The following MYSM1 variants were observed in gnomAD, a reference collection of about 807,000 sequenced individuals.
MYSM1 encodes deubiquitinase MYSM1.
A neutral mutation model predicts 116.0 loss-of-function variants in MYSM1; 51 were observed. The ratio of observed to expected loss-of-function variants is 0.44; its 90% CI spans 0.35 to 0.56. The LOEUF (loss-of-function observed/expected upper bound fraction) is 0.56. Among genes scored for constraint, MYSM1 ranks in the 20% least tolerant of loss-of-function variants. The pLI is 0.00. For synonymous variants in MYSM1, 313 were observed against 315.2 expected (o/e 0.99, Z 0.07); for missense variants, 900 against 974.9 (o/e 0.92, Z 1.02).
In MYSM1 at chr1:58,659,180, C is replaced by G. The variant is rs1001467574; in HGVS notation, c.*817G>C. ...AAATTAAATCTCTGATTTATTCCAG[C>G]TTTATTATCATTTGCCTCTTTCTCC... On this transcript the variant is annotated 3_prime_UTR_variant, in exon 20 of 20. Coordinates refer to ENST00000472487, the MANE Select transcript of MYSM1 (RefSeq NM_001085487.3). 13 of 152,088 alleles carry G rather than the reference C, an allele frequency of 8.5e-5. No homozygotes were observed. The highest frequency in any genetic ancestry group is 1.5e-5 in the Non-Finnish European group (1 of 68,012). 9.4% of individuals were successfully genotyped at this position (152,088 alleles called of 1,614,324 possible). A position where few individuals can be genotyped will look rare whatever the true frequency, so the allele number is the denominator to read the frequency against.
rs1248578302 is a variant in MYSM1, at chr1:58,659,011, T to C, written c.*986A>G. 2 of 106,496 alleles carry C rather than the reference T, an allele frequency of 1.9e-5. No individual in the cohort carries two copies. The highest frequency in any genetic ancestry group is 5.9e-4 in the East Asian group (2 of 3,370). The allele number at this position is 106,496 out of a possible 1,614,324, so 6.6% of individuals were successfully genotyped here. ...CACACACACAAAGAAGAATGTCTCA[T>C]AGACATCATATGTGGCCTGAAAAGC... On this transcript the variant is annotated 3_prime_UTR_variant, in exon 20 of 20. Transcript: ENST00000472487.
intron 8 of MYSM1, among the ~76,000 whole-genome samples, chr1:58,681,380 G>A (rs1644739188): frequency 1.3e-5 from 2 of 152,194 alleles, no homozygotes; most frequent in Non-Finnish European, 2.9e-5. Context: ...CTATTTAGAA[G>A]TGTTTCTGCA....
At chr1:58,669,618 G>C (rs1644525758) in intron 12 of MYSM1, among the ~76,000 whole-genome samples, 1 of 151,978 alleles carries the variant, frequency 6.6e-6, no homozygotes, top group African/African-American at 2.4e-5. Flanking sequence ...CTTGAGCCTA[G>C]GAGTTTGAGA....
chr1:58,665,434 T>C (rs1644453402), intron 17 of MYSM1, 65 bp downstream of exon 17: 10 of 1,228,222 alleles, frequency 8.1e-6, no homozygotes, highest in Non-Finnish European at 1.0e-5. Context: ...GCAAATCTTT[T>C]GATTTGTATG....
rs1374707453 is a variant in MYSM1 at position 58,665,607 on chromosome 1, T to G, written c.2056A>C (p.Lys686Gln). 1.9e-6 allele frequency: 3 copies of G among 1,570,330 alleles called. No homozygotes were observed. Among genetic ancestry groups the G allele is most frequent in the East Asian group, 2.2e-5 (1 of 44,508 alleles). ...GGACTAACAATCATCCCAATGAACT[T>G]TGCACCTCCTCTGGAGAAGTAACTC... ...YQSYFSRGGAKFIGMIVSPYN... is the reference protein window; with the variant it reads ...YQSYFSRGGAQFIGMIVSPYN... Residue 686 changes from lysine (K) to glutamine (Q), a missense_variant, in exon 17 of 20, where the codon AAG (lysine) becomes CAG (glutamine). Lys to Gln is a moderately conservative substitution (Grantham distance 53). Coordinates refer to ENST00000472487, the MANE Select transcript of MYSM1 (RefSeq NM_001085487.3).
rs183802797 is a variant in MYSM1, at chr1:58,673,657, T to C, written c.1495-7A>G. ...CCCTACGTCTCCTTGTACGCTGCGA[T>C]GAGATTAAAGTAAAGCAAAAGGTAG... is the stretch of plus-strand genomic sequence containing the variant. On this transcript the variant is annotated splice_polypyrimidine_tract_variant and splice_region_variant and intron_variant, in intron 10 of 19. Coordinates refer to ENST00000472487, the MANE Select transcript of MYSM1 (RefSeq NM_001085487.3). The C allele has an allele frequency of 1.4e-4, 224 of 1,613,266 alleles. No individual in the cohort carries two copies. The African/African-American group carries it at 2.6e-3, about 19-fold the overall frequency.
rs953493136 is a variant in MYSM1, at chr1:58,659,553, T to C, written c.*444A>G. On this transcript the variant is annotated 3_prime_UTR_variant, in exon 20 of 20. Coordinates refer to ENST00000472487, the MANE Select transcript of MYSM1 (RefSeq NM_001085487.3). The stretch of plus-strand genomic sequence containing the variant: ...TATTAATTATCTCAGTGACCACCCA[T>C]CCATATCTCATTTATAGCCATAAAC... The C allele has an allele frequency of 1.3e-5, 2 of 152,308 alleles. No homozygotes were observed. The highest frequency in any genetic ancestry group is 2.9e-5 in the Non-Finnish European group (2 of 68,154). 9.4% of individuals were successfully genotyped at this position (152,308 alleles called of 1,614,324 possible).
chr1:58,672,902 A>G (rs539106189), intron 11 of MYSM1, among the ~76,000 whole-genome samples: 1 of 152,328 alleles, frequency 6.6e-6, no homozygotes, highest in African/African-American at 2.4e-5. Flanking sequence ...TGTGCCTAGA[A>G]TAGTACTCAG....
chr1:58,676,929 A>C lies in MYSM1; in HGVS notation c.1387T>G (p.Cys463Gly). Residue 463 changes from cysteine to glycine, a missense_variant, in exon 9 of 20, where the codon TGT becomes GGT. Physicochemically the swap from Cys to Gly is radical, Grantham distance 159. Transcript: ENST00000472487. ...GTTGTTGGGTTTTTATTTTTACCAC[A>C]TCCAAAATTGATTGCTCCTATCAAT... is the stretch of plus-strand genomic sequence containing the variant. ...LELIGAINFGCEQAVYNRPQT... is the reference protein window; with the variant it reads ...LELIGAINFGGEQAVYNRPQT... 1 of 1,610,618 alleles carries C rather than the reference A, an allele frequency of 6.2e-7. No individual in the cohort carries two copies. Among genetic ancestry groups the C allele is most frequent in the Non-Finnish European group, 8.5e-7 (1 of 1,178,622 alleles).
At chr1:58,660,724 C>T (rs1010184280) in intron 19 of MYSM1, among the ~76,000 whole-genome samples, 2 of 152,094 alleles carry the variant, frequency 1.3e-5, no homozygotes, top group Non-Finnish European at 2.9e-5. Flanking sequence ...TCAATCATTA[C>T]AGAAGCAAAA....
At chr1:58,681,711 T>G (rs773257492) in intron 8 of MYSM1, 74 bp downstream of exon 8, 26 of 1,379,722 alleles carry the variant, frequency 1.9e-5, no homozygotes, top group Non-Finnish European at 2.3e-5. Flanking sequence ...AATTCTAAAT[T>G]CTGTATAGGC....
chr1:58,681,702 A>G, intron 8 of MYSM1, 83 bp downstream of exon 8: 1 of 1,344,122 alleles, frequency 7.4e-7, no homozygotes, highest in Non-Finnish European at 1.0e-6. Flanking sequence ...TACTAGCAAA[A>G]TTCTAAATTC....
At chr1:58,665,383 T>C (rs1380089711) in intron 17 of MYSM1, 116 bp downstream of exon 17, 4 of 777,328 alleles carry the variant, frequency 5.1e-6, no homozygotes, top group Non-Finnish European at 8.0e-6. Context: ...GATTCCCTAG[T>C]TGAGGGCACA....
At position 58,657,584 on chromosome 1, in the gene MYSM1, A is replaced by C. The variant is rs1644335511; in HGVS notation, c.*2413T>G. On this transcript the variant is annotated 3_prime_UTR_variant, in exon 20 of 20. Coordinates refer to ENST00000472487, the MANE Select transcript of MYSM1 (RefSeq NM_001085487.3). ...AGGGAAAATGATGGAGGAAGAGAGA[A>C]AGAAGTAACCAAGTTTAACATACTA... The C allele has an allele frequency of 6.6e-6, 1 of 152,212 alleles. No individual in the cohort carries two copies. The allele number at this position is 152,212 out of a possible 1,614,324, so 9.4% of individuals were successfully genotyped here.
At chr1:58,682,679 GCTTTTCTTTTTTTTCTTTT>G (rs1644764911) in intron 7 of MYSM1, 134 bp from the exon 8 acceptor site, 4 of 697,532 alleles carry the variant, frequency 5.7e-6, no homozygotes, top group South Asian at 4.7e-5. Context: ...CCTCTAATGC[GCTTTTCTTTTTTTTCTTTT>G]CTTTTTTTTT....
chr1:58,682,069 C>G lies in MYSM1; in HGVS notation c.975G>C (p.Lys325Asn). 1 of 1,614,114 alleles carries G rather than the reference C, an allele frequency of 6.2e-7. No individual in the cohort carries two copies. Among genetic ancestry groups the G allele is most frequent in the Non-Finnish European group, 8.5e-7 (1 of 1,180,012 alleles). The change falls in exon 8 of 20, where the codon AAG (lysine) becomes AAC (asparagine). Residue 325 changes from lysine to asparagine, a missense_variant. By Grantham distance (94) the Lys-to-Asn change is moderately conservative (BLOSUM62 0). Transcript: ENST00000472487. ...CAACTATTATTCCCCTTCCATCATG[C>G]TTGTTGCAGTTTTTAATCAATTCAT... ...KFNELIKNCNKHDGRGIIVDA... is the reference protein window; with the variant it reads ...KFNELIKNCNNHDGRGIIVDA...
intron 9 of MYSM1, among the ~76,000 whole-genome samples, chr1:58,675,943 C>T (rs1438649377): frequency 2.0e-5 from 3 of 152,018 alleles, no homozygotes; most frequent in African/African-American, 7.3e-5. Flanking sequence ...GACAGATTCC[C>T]GGGCAAACTA....
At chr1:58,690,538 G>A (rs1644890029) in intron 3 of MYSM1, 121 bp from the exon 4 acceptor site, 1 of 623,062 alleles carries the variant, frequency 1.6e-6, no homozygotes, top group Non-Finnish European at 2.6e-6. Flanking sequence ...CCAATTAGAA[G>A]TGACTACAAG....
intron 15 of MYSM1, 63 bp from the exon 16 acceptor site, chr1:58,667,289 T>C: frequency 8.1e-7 from 1 of 1,235,042 alleles, no homozygotes; most frequent in Non-Finnish European, 1.1e-6. Flanking sequence ...ACTCTAATGT[T>C]ATAATTCTTT....
Sources: allele counts gnomAD v4.1 joint callset (sites outside exome capture counted in the v4.1 genomes callset), GRCh38; gene constraint gnomAD v4.1.1; transcripts MANE v1.5; gene names NCBI Gene and HGNC (gene_info 2026-07-23, HGNC 2026-07-21).